ACSM5: variants seen among roughly 807,000 people sequenced by gnomAD.
ACSM5 encodes acyl-CoA synthetase medium chain family member 5.
Under a neutral mutation model 71.6 loss-of-function variants are expected in ACSM5, and 56 were observed. The ratio of observed to expected loss-of-function variants is 0.78; its 90% CI spans 0.63 to 0.98. The LOEUF (loss-of-function observed/expected upper bound fraction) is 0.98, where lower values mean the gene tolerates loss of function less well. Ranked by LOEUF, ACSM5 falls within the 50% of genes least tolerant of loss-of-function variation. The pLI, the probability that ACSM5 is intolerant of heterozygous loss-of-function variation, is 0.00. For missense variants in ACSM5, 723 were observed against 726.0 expected (o/e 1.00, Z 0.05); for synonymous variants, 285 against 281.5 (o/e 1.01, Z -0.12).
rs1967319993 is a variant in ACSM5, at chr16:20,440,972, A to G, written c.*545A>G. ...GCATTAAAACTAAAAAAAAAAAAGA[A>G]AAAATTAACAATTAACATCCAAACA... On this transcript the variant is annotated 3_prime_UTR_variant, in exon 14 of 14. Transcript: ENST00000331849. 1 of 152,278 alleles carries G rather than the reference A, an allele frequency of 6.6e-6. No homozygotes were observed. The highest frequency in any genetic ancestry group is 1.5e-5 in the Non-Finnish European group (1 of 68,110). 9.4% of individuals were successfully genotyped at this position (152,278 alleles called of 1,614,324 possible). A position where few individuals can be genotyped will look rare whatever the true frequency, so the allele number is the denominator to read the frequency against.
rs887333491 is a variant in ACSM5, at chr16:20,439,804, T to C, written c.1541T>C (p.Val514Ala). Residue 514 changes from valine (V) to alanine (A), a missense_variant, in exon 13 of 14, where the codon GTA becomes GCA. Val to Ala is a moderately conservative substitution (Grantham distance 64). Coordinates refer to ENST00000331849, the MANE Select transcript of ACSM5 (RefSeq NM_017888.3). ...GGGTATTTTGTTTTCCTGCAGGTGG[T>C]AAAGGCATTTATAGTCCTTACTCCA... ...SSPDPIRGEVVKAFIVLTPAY... is the reference protein window; with the variant it reads ...SSPDPIRGEVAKAFIVLTPAY... 2 of 1,591,304 alleles carry C rather than the reference T, an allele frequency of 1.3e-6. No homozygotes were observed. Among genetic ancestry groups the C allele is most frequent in the African/African-American group, 2.7e-5 (2 of 74,550 alleles).
intron 1 of ACSM5, 78 bp downstream of exon 1, chr16:20,409,743 T>C (rs1297447491): frequency 6.6e-6 from 1 of 152,050 alleles, no homozygotes; most frequent in Non-Finnish European, 1.5e-5. Context: ...AGAAGTGACA[T>C]CTGAAATGGT....
chr16:20,433,320 C>T (rs185162395), intron 10 of ACSM5, among the ~76,000 whole-genome samples: 6 of 152,188 alleles, frequency 3.9e-5, no homozygotes, highest in Admixed American at 6.5e-5. Flanking sequence ...TTCAAATTCA[C>T]GTTGGTCATT....
At chr16:20,417,727 G>A (rs1966859836) in intron 2 of ACSM5, among the ~76,000 whole-genome samples, 3 of 152,030 alleles carry the variant, frequency 2.0e-5, no homozygotes, top group African/African-American at 7.2e-5. Flanking sequence ...CAATAAAAAA[G>A]GGAAAAACAG....
At chr16:20,417,602 T>C (rs1966859433) in intron 2 of ACSM5, among the ~76,000 whole-genome samples, 1 of 152,174 alleles carries the variant, frequency 6.6e-6, no homozygotes, top group Non-Finnish European at 1.5e-5. Context: ...TTTAGGGCAA[T>C]AAAAATGTTT....
intron 10 of ACSM5, among the ~76,000 whole-genome samples, chr16:20,433,523 T>C (rs114114694): frequency 3.3e-5 from 5 of 152,064 alleles, no homozygotes; most frequent in Non-Finnish European, 7.4e-5. Flanking sequence ...CAGAAATTAG[T>C]TATGTAAAGG....
chr16:20,430,200 TACACACACACACACACACAC>T (rs199835504), intron 8 of ACSM5, among the ~76,000 whole-genome samples: 1 of 144,760 alleles, frequency 6.9e-6, no homozygotes, highest in Non-Finnish European at 1.5e-5. Context: ...GCTATTGAAA[TACACACACACACACACACAC>T]ACACACACAC....
chr16:20,434,513 G>A (rs1967157318), intron 10 of ACSM5, among the ~76,000 whole-genome samples: 1 of 152,140 alleles, frequency 6.6e-6, no homozygotes, highest in South Asian at 2.1e-4. Flanking sequence ...GACCAATATG[G>A]TGAAACACCC....
chr16:20,416,614 G>C (rs1343148809), intron 2 of ACSM5, among the ~76,000 whole-genome samples: 1 of 152,060 alleles, frequency 6.6e-6, no homozygotes, highest in East Asian at 1.9e-4. Context: ...GAAACATAAA[G>C]TACAAGAAAA....
At chr16:20,426,451 G>A (rs1596618436) in intron 6 of ACSM5, among the ~76,000 whole-genome samples, 1 of 152,138 alleles carries the variant, frequency 6.6e-6, no homozygotes, top group East Asian at 1.9e-4. Flanking sequence ...AGGTCAGCAA[G>A]GTATGCTCAT....
At chr16:20,419,485 T>G in intron 4 of ACSM5, 50 bp downstream of exon 4, 1 of 1,569,324 alleles carries the variant, frequency 6.4e-7, no homozygotes, top group Non-Finnish European at 8.8e-7. Context: ...ATTTCCCCTT[T>G]AAGCAACAAA....
intron 5 of ACSM5, among the ~76,000 whole-genome samples, chr16:20,422,222 C>T (rs1328221015): frequency 2.0e-5 from 3 of 152,170 alleles, no homozygotes; most frequent in Non-Finnish European, 4.4e-5. Context: ...AGCAATTCTC[C>T]TGCCTCAGCC....
chr16:20,430,694 G>T (rs185702216), intron 8 of ACSM5, among the ~76,000 whole-genome samples: 2 of 150,976 alleles, frequency 1.3e-5, no homozygotes, highest in Non-Finnish European at 2.9e-5. Context: ...ATGAAATAAC[G>T]GGGAAAAGAA....
intron 4 of ACSM5, among the ~76,000 whole-genome samples, chr16:20,420,427 C>T (rs1468927169): frequency 6.6e-6 from 1 of 152,102 alleles, no homozygotes. Flanking sequence ...ATGGAGAAAC[C>T]CCGTCTCTAC....
chr16:20,424,677 T>C (rs1220178923), intron 6 of ACSM5, among the ~76,000 whole-genome samples: 1 of 152,220 alleles, frequency 6.6e-6, no homozygotes, highest in African/African-American at 2.4e-5. Flanking sequence ...ACCTGGACTC[T>C]GATCCTACAC....
At chr16:20,418,426 T>C (rs960452318) in intron 3 of ACSM5, among the ~76,000 whole-genome samples, 157 bp downstream of exon 3, 9 of 152,132 alleles carry the variant, frequency 5.9e-5, no homozygotes, top group African/African-American at 2.2e-4. Context: ...GATTGTATAG[T>C]AGGGGCCAGA....
At chr16:20,414,969 G>A (rs929140184) in intron 2 of ACSM5, among the ~76,000 whole-genome samples, 1 of 152,194 alleles carries the variant, frequency 6.6e-6, no homozygotes, top group Non-Finnish European at 1.5e-5. Context: ...AGAAACTGAA[G>A]GAAAGTGGAT....
At position 20,436,406 on chromosome 16, in the gene ACSM5, T is replaced by C. The variant is rs542622288; in HGVS notation, c.1309-646T>C. 5.3e-4 allele frequency among the ~76,000 whole-genome samples: 81 copies of C among 152,110 alleles called. No individual in the cohort carries two copies. In the South Asian group the frequency reaches 0.016, roughly 31 times the overall value. Reference sequence around the variant, plus strand: ...GTGGTGCAATCTCACAGCCTCGCCCTATAGCCCAGGCTGGAGTGCAGTGGC... The same window carrying C: ...GTGGTGCAATCTCACAGCCTCGCCCCATAGCCCAGGCTGGAGTGCAGTGGC... On this transcript the variant is annotated intron_variant, in intron 10 of 13. Coordinates refer to ENST00000331849, the MANE Select transcript of ACSM5 (RefSeq NM_017888.3).
chr16:20,416,265 AC>A (rs1284596230), intron 2 of ACSM5, among the ~76,000 whole-genome samples: 3 of 151,406 alleles, frequency 2.0e-5, no homozygotes, highest in African/African-American at 4.9e-5. Flanking sequence ...CAAGGGACCC[AC>A]AGGGACCAAA....
Sources: allele counts gnomAD v4.1 joint callset (sites outside exome capture counted in the v4.1 genomes callset), GRCh38; gene constraint gnomAD v4.1.1; transcripts MANE v1.5; gene names NCBI Gene and HGNC (gene_info 2026-07-23, HGNC 2026-07-21).